The following LRP1B variants were observed in gnomAD, a reference collection of about 807,000 sequenced individuals.
LRP1B encodes the protein LDL receptor related protein 1B, also known as low-density lipoprotein receptor-related protein 1B.
Under a neutral mutation model 556.6 loss-of-function variants are expected in LRP1B, and 217 were observed. That is an observed-to-expected ratio of 0.39 (90% confidence interval 0.35 to 0.44). The LOEUF (loss-of-function observed/expected upper bound fraction) is 0.44, where lower values mean the gene tolerates loss of function less well. Ranked by LOEUF, LRP1B falls within the 20% of genes least tolerant of loss-of-function variation. LRP1B has a pLI of 1.00. For missense variants in LRP1B, 5,053 were observed against 5,620.8 expected, an observed-to-expected ratio of 0.90 and a Z score of 3.23; for synonymous variants, 2,047 against 1,865.8, an observed-to-expected ratio of 1.10 and a Z score of -2.50.
intron 1 of LRP1B, among the ~76,000 whole-genome samples, chr2:142,075,770 A>G (rs1026696140): frequency 6.6e-6 from 1 of 152,098 alleles, no homozygotes; most frequent in African/African-American, 2.4e-5. Flanking sequence ...ACGTTAATCA[A>G]GAAGCTTACT....
intron 37 of LRP1B, among the ~76,000 whole-genome samples, chr2:140,703,910 G>A (rs1686735450): frequency 2.0e-5 from 3 of 152,080 alleles, no homozygotes; most frequent in South Asian, 4.1e-4. Flanking sequence ...TACTATTGAC[G>A]GGCACCTAGG....
At chr2:141,111,445 A>T (rs1700747354) in intron 7 of LRP1B, among the ~76,000 whole-genome samples, 1 of 152,146 alleles carries the variant, frequency 6.6e-6, no homozygotes, top group Non-Finnish European at 1.5e-5. Context: ...AGTCAATATG[A>T]AAGGAGTTAG....
chr2:141,803,523 C>T (rs559738474), intron 2 of LRP1B, among the ~76,000 whole-genome samples: 3 of 152,022 alleles, frequency 2.0e-5, no homozygotes, highest in Non-Finnish European at 2.9e-5. Context: ...GAGACATAAA[C>T]TGTCCTCATG....
intron 1 of LRP1B, among the ~76,000 whole-genome samples, chr2:141,872,037 C>A (rs1443314514): frequency 6.6e-6 from 1 of 151,838 alleles, no homozygotes; most frequent in Non-Finnish European, 1.5e-5. Flanking sequence ...AAGAGAGATT[C>A]TCAGAATAAG....
At chr2:141,780,016 A>C (rs1204101598) in intron 2 of LRP1B, among the ~76,000 whole-genome samples, 1 of 150,630 alleles carries the variant, frequency 6.6e-6, no homozygotes, top group African/African-American at 2.5e-5. Flanking sequence ...ATTTCTAGAA[A>C]TTAAAGATTA....
At chr2:142,051,388 T>A (rs1167225776) in intron 1 of LRP1B, among the ~76,000 whole-genome samples, 1 of 152,018 alleles carries the variant, frequency 6.6e-6, no homozygotes, top group Non-Finnish European at 1.5e-5. Context: ...CTTTGTAGGA[T>A]GTTCACCACA....
intron 86 of LRP1B, among the ~76,000 whole-genome samples, chr2:140,257,159 C>T (rs1157167513): frequency 1.3e-5 from 2 of 151,674 alleles, no homozygotes; most frequent in Non-Finnish European, 2.9e-5. Flanking sequence ...GGATCAAGTG[C>T]TAGGTTGAAG....
intron 1 of LRP1B, among the ~76,000 whole-genome samples, chr2:141,961,091 C>A (rs183275136): frequency 1.1e-4 from 16 of 151,582 alleles, no homozygotes; most frequent in Non-Finnish European, 1.6e-4. Flanking sequence ...CAAAATGCAG[C>A]ATTTGAAGTA....
chr2:140,835,091 C>T (rs891146156), intron 31 of LRP1B, among the ~76,000 whole-genome samples: 8 of 152,164 alleles, frequency 5.3e-5, no homozygotes, highest in Middle Eastern at 3.2e-3. Context: ...AAATATGCCA[C>T]GCCAAAATAT....
chr2:141,406,346 G>A (rs181051051), intron 3 of LRP1B, among the ~76,000 whole-genome samples: 222 of 152,162 alleles, frequency 1.5e-3, no homozygotes, highest in Non-Finnish European at 2.4e-3. Context: ...ACACTTCTGA[G>A]AATGAAAGAA....
At chr2:142,071,069 T>A (rs1417015728) in intron 1 of LRP1B, among the ~76,000 whole-genome samples, 1 of 151,880 alleles carries the variant, frequency 6.6e-6, no homozygotes, top group East Asian at 1.9e-4. Flanking sequence ...CCATCTGAAC[T>A]CATGTTGTGG....
At chr2:142,093,377 AT>A (rs1294797124) in intron 1 of LRP1B, among the ~76,000 whole-genome samples, 1 of 152,142 alleles carries the variant, frequency 6.6e-6, no homozygotes, top group African/African-American at 2.4e-5. Context: ...ATCACAAAAA[AT>A]TAACCTTTAT....
intron 1 of LRP1B, among the ~76,000 whole-genome samples, chr2:141,957,941 G>C (rs1701302954): frequency 6.6e-6 from 1 of 151,960 alleles, no homozygotes; most frequent in African/African-American, 2.4e-5. Context: ...ACCTGATAAT[G>C]CTCTCTTATG....
At chr2:141,352,474 T>C (rs1339607007) in intron 3 of LRP1B, among the ~76,000 whole-genome samples, 1 of 151,972 alleles carries the variant, frequency 6.6e-6, no homozygotes, top group Non-Finnish European at 1.5e-5. Context: ...TTTCCCCTAA[T>C]GTCAACATCT....
chr2:141,342,970 G>A (rs1175003572), intron 3 of LRP1B, among the ~76,000 whole-genome samples: 2 of 152,152 alleles, frequency 1.3e-5, no homozygotes, highest in African/African-American at 4.8e-5. Flanking sequence ...AGGGCAGCCA[G>A]AGAGAAAGGT....
chr2:141,600,555 T>C (rs1169936574), intron 2 of LRP1B, among the ~76,000 whole-genome samples: 2 of 151,916 alleles, frequency 1.3e-5, no homozygotes, highest in African/African-American at 2.4e-5. Flanking sequence ...GAAGCTGTAG[T>C]CTGAATGAAC....
chr2:140,628,869 A>G (rs1683775524), intron 41 of LRP1B, among the ~76,000 whole-genome samples: 1 of 151,940 alleles, frequency 6.6e-6, no homozygotes, highest in African/African-American at 2.4e-5. Flanking sequence ...GAAAGTGTGT[A>G]GCACCTCCCT....
At chr2:140,589,381 T>G (rs1282935589) in intron 43 of LRP1B, among the ~76,000 whole-genome samples, 1 of 151,872 alleles carries the variant, frequency 6.6e-6, no homozygotes, top group Non-Finnish European at 1.5e-5. Flanking sequence ...GAAAGCAGTT[T>G]GTCAGTTTCT....
chr2:141,209,807 G>A (rs1682465005), intron 6 of LRP1B, among the ~76,000 whole-genome samples: 2 of 152,116 alleles, frequency 1.3e-5, no homozygotes, highest in African/African-American at 2.4e-5. Context: ...CAAACTCACA[G>A]ACACAGACAC....
Sources: gnomAD v4.1 joint callset for allele counts (sites outside exome capture counted in the v4.1 genomes callset) on GRCh38, gnomAD v4.1.1 for gene constraint, MANE v1.5 for transcripts, NCBI Gene and HGNC (gene_info 2026-07-23, HGNC 2026-07-21) for gene names.